The following SNTB2 variants were observed in gnomAD, a reference collection of about 807,000 sequenced individuals.
SNTB2 encodes syntrophin beta 2.
In SNTB2, 34 loss-of-function variants were observed where a neutral mutation model predicts 46.2. The observed-to-expected ratio is 0.74, with a 90% CI of 0.56 to 0.98. The LOEUF (loss-of-function observed/expected upper bound fraction) is 0.98. SNTB2 is among the 50% of genes least tolerant of loss of function. SNTB2 has a pLI of 0.00. For synonymous variants in SNTB2, 290 were observed against 312.6 expected (o/e 0.93, Z 0.76); for missense variants, 603 against 731.4 (o/e 0.82, Z 2.02).
At chr16:69,288,321 T>C (rs1238850568) in intron 5 of SNTB2, among the ~76,000 whole-genome samples, 1 of 152,234 alleles carries the variant, frequency 6.6e-6, no homozygotes, top group African/African-American at 2.4e-5. Flanking sequence ...CATAGTTGTT[T>C]AAATATGATG....
intron 1 of SNTB2, among the ~76,000 whole-genome samples, chr16:69,237,310 T>A (rs1336063608): frequency 6.6e-6 from 1 of 152,120 alleles, no homozygotes; most frequent in Non-Finnish European, 1.5e-5. Flanking sequence ...GTAGAGTGCA[T>A]TGCCATACAT....
At chr16:69,225,171 A>G (rs539291877) in intron 1 of SNTB2, among the ~76,000 whole-genome samples, 23 of 152,242 alleles carry the variant, frequency 1.5e-4, no homozygotes, top group Non-Finnish European at 7.3e-5. Context: ...AAAGAAAATT[A>G]CCAAGTATTT....
intron 2 of SNTB2, among the ~76,000 whole-genome samples, chr16:69,254,527 A>G (rs1190770415): frequency 6.6e-6 from 1 of 152,248 alleles, no homozygotes; most frequent in Non-Finnish European, 1.5e-5. Flanking sequence ...ATACAACCCC[A>G]AAAGCACAAT....
At position 69,187,233 on chromosome 16, in the gene SNTB2, A is replaced by T; in HGVS notation, c.67A>T (p.Thr23Ser). The T allele has an allele frequency of 6.9e-7, 1 of 1,458,052 alleles. No homozygotes were observed. Among genetic ancestry groups the T allele is most frequent in the Non-Finnish European group, 9.0e-7 (1 of 1,107,358 alleles). The allele number at this position is 1,458,052 out of a possible 1,614,324, so 90.3% of individuals were successfully genotyped here. ...GPAMAVWTRA[T>S]KAGLVELLLR... ...GGCCATGGCGGTGTGGACGCGGGCC[A>T]CCAAAGCGGGGCTGGTGGAGCTGCT... The change falls in exon 1 of 7, where the codon ACC (threonine) becomes TCC (serine). Residue 23 changes from threonine (T) to serine (S), a missense_variant. By Grantham distance (58) the Thr-to-Ser change is moderately conservative. This residue lies in a region of SNTB2 where 66 missense variants were observed against 39.0 expected (regional missense o/e 1.69). Transcript: ENST00000336278.
rs1197212223 is a variant in SNTB2, at chr16:69,299,758, G to T, written c.1514G>T (p.Gly505Val). 1 of 1,614,136 alleles carries T rather than the reference G, an allele frequency of 6.2e-7. No homozygotes were observed. The highest frequency in any genetic ancestry group is 1.7e-5 in the Admixed American group (1 of 59,994). The change falls in exon 6 of 7, where the codon GGT (glycine) becomes GTT (valine). Residue 505 changes from glycine to valine, a missense_variant. Around this residue, in one of 2 missense-constraint regions of SNTB2, gnomAD observed 537 missense variants for 692.4 expected, o/e 0.78. Transcript: ENST00000336278. ...GIRNLYLDFG[G>V]PEGELTMDLH... is the part of the protein sequence containing the mutation. ...CGAAATCTATACTTGGATTTTGGTG[G>T]TCCCGAGGGAGAACTGGTAAGAGTG...
intron 1 of SNTB2, among the ~76,000 whole-genome samples, chr16:69,213,746 C>A (rs1964314914): frequency 6.6e-6 from 1 of 151,576 alleles, no homozygotes; most frequent in Non-Finnish European, 1.5e-5. Context: ...GTTCCACCCG[C>A]CTTAGCATCC....
At chr16:69,209,136 T>C (rs1003010139) in intron 1 of SNTB2, among the ~76,000 whole-genome samples, 2 of 152,112 alleles carry the variant, frequency 1.3e-5, no homozygotes, top group Admixed American at 1.3e-4. Context: ...CACACCCGGC[T>C]AATTTTCTTG....
rs77079628 is a variant in SNTB2, at chr16:69,307,424, A to G, written c.*6500A>G. On this transcript the variant is annotated 3_prime_UTR_variant, in exon 7 of 7. Transcript: ENST00000336278. Reference sequence around the variant, plus strand: ...TAGACTTTAGTTTGGGAAAGAGAACAGTATACAGTATCCTTTGTAAGATAA... The same window carrying G: ...TAGACTTTAGTTTGGGAAAGAGAACGGTATACAGTATCCTTTGTAAGATAA... 5 of 152,224 alleles carry G rather than the reference A, an allele frequency of 3.3e-5. No individual in the cohort carries two copies. The highest frequency in any genetic ancestry group is 2.0e-4 in the Admixed American group (3 of 15,288). The allele number at this position is 152,224 out of a possible 1,614,324, so 9.4% of individuals were successfully genotyped here. A position where few individuals can be genotyped will look rare whatever the true frequency, so the allele number is the denominator to read the frequency against.
At chr16:69,253,332 C>T (rs971323867) in intron 2 of SNTB2, among the ~76,000 whole-genome samples, 44 of 151,870 alleles carry the variant, frequency 2.9e-4, no homozygotes, top group Non-Finnish European at 2.9e-5. Context: ...CAAGAAAAAT[C>T]GCAAAATTTT....
chr16:69,252,903 G>GT (rs35211076), intron 2 of SNTB2, among the ~76,000 whole-genome samples: 14,354 of 133,268 alleles, frequency 0.11, 968 homozygotes, highest in Non-Finnish European at 0.15. Flanking sequence ...CCCTTTGTCA[G>GT]TTTTTTTTTT....
At chr16:69,221,244 G>T (rs537240497) in intron 1 of SNTB2, among the ~76,000 whole-genome samples, 1 of 152,236 alleles carries the variant, frequency 6.6e-6, no homozygotes, top group African/African-American at 2.4e-5. Flanking sequence ...GTGTTTACAT[G>T]TCCCACTTCC....
intron 2 of SNTB2, among the ~76,000 whole-genome samples, chr16:69,259,062 A>T (rs1964807389): frequency 6.6e-6 from 1 of 151,926 alleles, no homozygotes. Context: ...GTGGTTCAGC[A>T]AGCATGCTTT....
chr16:69,259,602 CTTTT>C (rs746479723), intron 2 of SNTB2, among the ~76,000 whole-genome samples: 2 of 120,608 alleles, frequency 1.7e-5, no homozygotes, highest in African/African-American at 3.1e-5. Flanking sequence ...GAGAAAGTAT[CTTTT>C]TTTTTTTTTT....
At chr16:69,283,686 A>G (rs1226612851) in intron 4 of SNTB2, among the ~76,000 whole-genome samples, 2 of 152,158 alleles carry the variant, frequency 1.3e-5, no homozygotes, top group African/African-American at 2.4e-5. Flanking sequence ...TTTGATACAT[A>G]TAACCTCTTG....
At chr16:69,279,686 C>T (rs913313864) in intron 4 of SNTB2, among the ~76,000 whole-genome samples, 13 of 137,554 alleles carry the variant, frequency 9.5e-5, no homozygotes, top group Admixed American at 7.8e-4. Flanking sequence ...CCACCATGCC[C>T]GGCTAATTTT....
intron 1 of SNTB2, among the ~76,000 whole-genome samples, chr16:69,237,086 C>A (rs542977066): frequency 9.9e-5 from 15 of 152,240 alleles, no homozygotes; most frequent in African/African-American, 3.4e-4. Context: ...AAGGATGGGG[C>A]AGCACCCAGG....
intron 5 of SNTB2, among the ~76,000 whole-genome samples, chr16:69,285,356 CTT>C (rs199516210): frequency 6.1e-5 from 8 of 131,824 alleles, no homozygotes; most frequent in African/African-American, 1.6e-4. Context: ...GTTCATCTCT[CTT>C]TTTTTTTTTT....
At chr16:69,295,415 A>C (rs1024616452) in intron 5 of SNTB2, among the ~76,000 whole-genome samples, 1 of 151,340 alleles carries the variant, frequency 6.6e-6, no homozygotes, top group African/African-American at 2.4e-5. Context: ...ACTCCCGGCT[A>C]ATTTTTGTAT....
chr16:69,231,757 C>T (rs1288185251), intron 1 of SNTB2, among the ~76,000 whole-genome samples: 6 of 152,136 alleles, frequency 3.9e-5, no homozygotes, highest in African/African-American at 1.2e-4. Context: ...TACTATATGG[C>T]AATTTCCACA....
Sources: gnomAD v4.1 joint callset for allele counts (sites outside exome capture counted in the v4.1 genomes callset) on GRCh38, gnomAD v4.1.1 for gene constraint, gnomAD v4.1.1 regional missense constraint, MANE v1.5 for transcripts, NCBI Gene and HGNC (gene_info 2026-07-23, HGNC 2026-07-21) for gene names.